Variants in MINPP1 observed in about 807,000 individuals in gnomAD.
The protein encoded by MINPP1 is multiple inositol-polyphosphate phosphatase 1.
A neutral mutation model predicts 46.1 loss-of-function variants in MINPP1; 28 were observed. The observed-to-expected ratio is 0.61, with a 90% CI of 0.45 to 0.83. The LOEUF is 0.83. MINPP1 is among the 40% of genes least tolerant of loss of function. MINPP1 has a pLI of 0.00. For synonymous variants in MINPP1, 268 were observed against 249.1 expected, an observed-to-expected ratio of 1.08 and a Z score of -0.72; for missense variants, 603 against 610.0, an observed-to-expected ratio of 0.99 and a Z score of 0.12.
intron 4 of MINPP1, among the ~76,000 whole-genome samples, chr10:87,542,158 T>C (rs1277721135): frequency 6.6e-6 from 1 of 152,090 alleles, no homozygotes; most frequent in Non-Finnish European, 1.5e-5. Flanking sequence ...AATGAGTTAT[T>C]TACTCCCAAG....
chr10:87,538,142 G>GT (rs1385994847), intron 4 of MINPP1, among the ~76,000 whole-genome samples: 4 of 142,796 alleles, frequency 2.8e-5, no homozygotes, highest in Admixed American at 7.1e-5. Context: ...CCTTTTCAAT[G>GT]TTTTTTCTCC....
intron 4 of MINPP1, among the ~76,000 whole-genome samples, chr10:87,528,657 A>T (rs1025166923): frequency 3.3e-4 from 50 of 152,200 alleles, no homozygotes; most frequent in African/African-American, 1.2e-3. Flanking sequence ...AATAAGTGTG[A>T]TGTGGTGCTG....
chr10:87,544,301 A>G (rs1851857957), intron 4 of MINPP1, among the ~76,000 whole-genome samples: 1 of 152,220 alleles, frequency 6.6e-6, no homozygotes, highest in Non-Finnish European at 1.5e-5. Context: ...AAGGATGTGG[A>G]GCTTCCATGC....
intron 4 of MINPP1, among the ~76,000 whole-genome samples, chr10:87,531,537 T>A (rs7069679): frequency 0.86 from 130,565 of 152,150 alleles, 56,437 homozygotes; most frequent in African/African-American, 0.97. Context: ...TAGTAGGCAG[T>A]TGCTTGGATT....
At chr10:87,539,077 G>A (rs1159951780) in intron 4 of MINPP1, among the ~76,000 whole-genome samples, 3 of 152,122 alleles carry the variant, frequency 2.0e-5, no homozygotes, top group Admixed American at 6.5e-5. Context: ...GTAAGTAAAA[G>A]GAGGGGTGTA....
chr10:87,514,907 G>C (rs1589371453), intron 3 of MINPP1, among the ~76,000 whole-genome samples: 2 of 151,520 alleles, frequency 1.3e-5, no homozygotes, highest in South Asian at 2.1e-4. Flanking sequence ...GTAGAGATGG[G>C]GTTTCACCAT....
At chr10:87,521,927 C>A (rs916882074) in intron 4 of MINPP1, among the ~76,000 whole-genome samples, 2 of 152,176 alleles carry the variant, frequency 1.3e-5, no homozygotes, top group African/African-American at 4.8e-5. Context: ...TCAAGGAATC[C>A]TCTCCCGTTG....
At chr10:87,510,057 T>G (rs967507486) in intron 2 of MINPP1, among the ~76,000 whole-genome samples, 1 of 152,072 alleles carries the variant, frequency 6.6e-6, no homozygotes, top group African/African-American at 2.4e-5. Context: ...ATCTTGACTC[T>G]ACTATCCTAT....
At chr10:87,514,403 A>G (rs1292673517) in intron 3 of MINPP1, among the ~76,000 whole-genome samples, 5 of 152,166 alleles carry the variant, frequency 3.3e-5, no homozygotes, top group Non-Finnish European at 2.9e-5. Flanking sequence ...TAAGTCTTTT[A>G]TAGCTGTTTT....
rs993714610 is a variant in MINPP1 at position 87,504,913 on chromosome 10, A to G, written c.-3A>G. On this transcript the variant is annotated 5_prime_UTR_variant, in exon 1 of 5. Transcript: ENST00000371996. Reference sequence around the variant, plus strand: ...TCGGCGCACTCCACTGACCGTCCCGACGATGCTACGCGCGCCCGGCTGCCT... The same window carrying G: ...TCGGCGCACTCCACTGACCGTCCCGGCGATGCTACGCGCGCCCGGCTGCCT... 1.2e-6 allele frequency: 2 copies of G among 1,610,016 alleles called. No homozygotes were observed. The highest frequency in any genetic ancestry group is 1.3e-5 in the African/African-American group (1 of 74,886).
chr10:87,519,745 C>T (rs1282643018), intron 3 of MINPP1, among the ~76,000 whole-genome samples: 1 of 152,002 alleles, frequency 6.6e-6, no homozygotes, highest in Non-Finnish European at 1.5e-5. Flanking sequence ...GGAGCTCTTT[C>T]GGGAAGAAAG....
At chr10:87,523,693 A>G (rs1851534998) in intron 4 of MINPP1, among the ~76,000 whole-genome samples, 2 of 152,142 alleles carry the variant, frequency 1.3e-5, no homozygotes, top group Non-Finnish European at 2.9e-5. Flanking sequence ...CTTAAAATTT[A>G]TAATGAAATC....
At chr10:87,528,840 G>A (rs1335200041) in intron 4 of MINPP1, among the ~76,000 whole-genome samples, 2 of 152,182 alleles carry the variant, frequency 1.3e-5, no homozygotes, top group East Asian at 1.9e-4. Context: ...TTGTGTGGGA[G>A]TCTAAGTCTC....
intron 1 of MINPP1, 106 bp from the exon 2 acceptor site, chr10:87,508,230 T>G (rs537595163): frequency 7.7e-6 from 12 of 1,556,186 alleles, no homozygotes; most frequent in Admixed American, 1.9e-5. Context: ...CTGTGCGGAT[T>G]AGTAAGATGT....
At chr10:87,528,151 A>C (rs1177919505) in intron 4 of MINPP1, among the ~76,000 whole-genome samples, 2 of 152,156 alleles carry the variant, frequency 1.3e-5, no homozygotes, top group African/African-American at 4.8e-5. Context: ...TCTTTTCAAA[A>C]ACCCACCTCC....
chr10:87,542,118 T>G (rs2131838017), intron 4 of MINPP1, among the ~76,000 whole-genome samples: 1 of 152,272 alleles, frequency 6.6e-6, no homozygotes, highest in Admixed American at 6.5e-5. Flanking sequence ...GGAGATGAGT[T>G]TCTTCCACCT....
In MINPP1 at chr10:87,552,676, A is replaced by G. The variant is rs1851982112; in HGVS notation, c.*198A>G. 1 of 570,142 alleles carries G rather than the reference A, an allele frequency of 1.8e-6. No individual in the cohort carries two copies. 35.3% of individuals were successfully genotyped at this position (570,142 alleles called of 1,614,324 possible). ...GATTTTTCACTGGAGCAGCTCTCTT[A>G]AGGAGAAACAAATCTATTTAGAGAA... On this transcript the variant is annotated 3_prime_UTR_variant, in exon 5 of 5. Coordinates refer to ENST00000371996, the MANE Select transcript of MINPP1 (RefSeq NM_004897.5).
chr10:87,515,202 T>C (rs1056359865), intron 3 of MINPP1, among the ~76,000 whole-genome samples: 1 of 151,602 alleles, frequency 6.6e-6, no homozygotes, highest in Non-Finnish European at 1.5e-5. Flanking sequence ...GCCTGGCCAA[T>C]GTGGTGAAAC....
chr10:87,550,369 T>A (rs999954150), intron 4 of MINPP1, among the ~76,000 whole-genome samples: 3 of 152,200 alleles, frequency 2.0e-5, no homozygotes, highest in Non-Finnish European at 4.4e-5. Context: ...ATACCAGTTA[T>A]GAAGAGAGGC....
Sources: allele counts gnomAD v4.1 joint callset (sites outside exome capture counted in the v4.1 genomes callset), GRCh38; gene constraint gnomAD v4.1.1; transcripts MANE v1.5; gene names NCBI Gene and HGNC (gene_info 2026-07-23, HGNC 2026-07-21).